The following DAZL variants were observed in gnomAD, a reference collection of about 807,000 sequenced individuals.
DAZL encodes the protein deleted in azoospermia like, also known as deleted in azoospermia-like.
Under a neutral mutation model 45.0 loss-of-function variants are expected in DAZL, and 4 were observed. The ratio of observed to expected loss-of-function variants is 0.09; its 90% CI spans 0.04 to 0.20. DAZL has a LOEUF of 0.20. DAZL is among the 10% of genes least tolerant of loss of function. The pLI is 1.00. For missense variants in DAZL, 326 were observed against 351.3 expected (o/e 0.93, Z 0.58); for synonymous variants, 122 against 112.4 (o/e 1.09, Z -0.54).
At chr3:16,598,713 C>T (rs1333122612) in intron 1 of DAZL, 115 bp from the exon 2 acceptor site, 4 of 1,170,244 alleles carry the variant, frequency 3.4e-6, no homozygotes, top group Non-Finnish European at 4.4e-6. Flanking sequence ...TACTTTCATT[C>T]TAAGTTAGTT....
intron 1 of DAZL, chr3:16,604,866 C>T: frequency 2.8e-6 from 2 of 710,650 alleles, no homozygotes; most frequent in East Asian, 2.9e-5. Context: ...GGGTGGGGAA[C>T]CCGCACCCCA....
intron 4 of DAZL, 99 bp from the exon 5 acceptor site, chr3:16,597,150 A>T: frequency 7.4e-7 from 1 of 1,348,170 alleles, no homozygotes; most frequent in Non-Finnish European, 1.0e-6. Context: ...CTATTATCAT[A>T]GAAGATCAGT....
chr3:16,603,447 A>G (rs1054878090), intron 1 of DAZL, among the ~76,000 whole-genome samples: 3 of 152,100 alleles, frequency 2.0e-5, no homozygotes, highest in Middle Eastern at 3.4e-3. Flanking sequence ...CACAGGTTCA[A>G]GTGATTCTCC....
Position 16,596,896 on chromosome 3 carries a change from GA to G in DAZL, c.359-8del. 6.2e-7 allele frequency: 1 copy of G among 1,613,542 alleles called. No homozygotes were observed. The highest frequency in any genetic ancestry group is 8.5e-7 in the Non-Finnish European group (1 of 1,179,668). Reference sequence around the variant, plus strand: ...GGCTGCACATGATAAGCACCTTTTTGAAAAGCAAAAAGAAAAGGCCTATTTT... The same window carrying G: ...GGCTGCACATGATAAGCACCTTTTTGAAAGCAAAAAGAAAAGGCCTATTTT... On this transcript the variant is annotated splice_region_variant and splice_polypyrimidine_tract_variant and intron_variant, in intron 5 of 10. Coordinates refer to ENST00000399444, the MANE Select transcript of DAZL (RefSeq NM_001351.4).
chr3:16,602,652 T>A (rs1019363906), intron 1 of DAZL, among the ~76,000 whole-genome samples: 1 of 152,204 alleles, frequency 6.6e-6, no homozygotes, highest in East Asian at 1.9e-4. Flanking sequence ...ATATAGTTTA[T>A]ATTGGAAATG....
At chr3:16,597,925 T>A (rs1471474363) in intron 3 of DAZL, among the ~76,000 whole-genome samples, 162 bp downstream of exon 3, 1 of 152,130 alleles carries the variant, frequency 6.6e-6, no homozygotes, top group Non-Finnish European at 1.5e-5. Context: ...AAACAAACAT[T>A]AGAAAAATGA....
chr3:16,600,379 T>C (rs1268716714), intron 1 of DAZL, among the ~76,000 whole-genome samples: 1 of 152,228 alleles, frequency 6.6e-6, no homozygotes, highest in Non-Finnish European at 1.5e-5. Flanking sequence ...AGTTTATTGC[T>C]TTTCTCTATT....
chr3:16,605,373 G>A lies in DAZL; in HGVS notation c.-168C>T, dbSNP rs948719256. 10 of 819,496 alleles carry A rather than the reference G, an allele frequency of 1.2e-5. No homozygotes were observed. Among genetic ancestry groups the A allele is most frequent in the Non-Finnish European group, 2.1e-5 (10 of 484,330 alleles). 50.8% of individuals were successfully genotyped at this position (819,496 alleles called of 1,614,324 possible). On this transcript the variant is annotated 5_prime_UTR_variant, in exon 1 of 11. Coordinates refer to ENST00000399444, the MANE Select transcript of DAZL (RefSeq NM_001351.4). ...AGGAAAACCAAGAGCGGGTGACAAG[G>A]CTGAGGAGCCCCGAAAGGCGGACCG... is the stretch of plus-strand genomic sequence containing the variant.
At chr3:16,600,251 T>A (rs887500536) in intron 1 of DAZL, among the ~76,000 whole-genome samples, 4 of 152,160 alleles carry the variant, frequency 2.6e-5, no homozygotes, top group African/African-American at 4.8e-5. Context: ...AGCACAGTAA[T>A]TTTATAGGAA....
intron 10 of DAZL, among the ~76,000 whole-genome samples, chr3:16,590,737 T>A (rs755341990): frequency 2.0e-5 from 3 of 152,188 alleles, no homozygotes; most frequent in African/African-American, 7.2e-5. Context: ...GAAAATATTA[T>A]GCTGACTGAA....
chr3:16,593,588 C>CA, intron 9 of DAZL, 67 bp downstream of exon 9: 2 of 1,065,038 alleles, frequency 1.9e-6, no homozygotes, highest in Non-Finnish European at 2.8e-6. Flanking sequence ...GATTGCTTCT[C>CA]AAAAAACCAT....
intron 6 of DAZL, 83 bp from the exon 7 acceptor site, chr3:16,595,468 A>G (rs190444557): frequency 2.4e-5 from 19 of 806,336 alleles, no homozygotes; most frequent in Non-Finnish European, 3.8e-5. Context: ...TAACAAAAAT[A>G]TGAAAACTTT....
intron 1 of DAZL, chr3:16,604,506 C>T (rs2125050064): frequency 6.6e-7 from 1 of 1,518,844 alleles, no homozygotes; most frequent in Non-Finnish European, 8.8e-7. Flanking sequence ...CCGCCATCAG[C>T]AAGTCCCCCG....
At chr3:16,604,396 A>G (rs903356500) in intron 1 of DAZL, 1 of 1,483,968 alleles carries the variant, frequency 6.7e-7, no homozygotes, top group Middle Eastern at 1.7e-4. Context: ...CGTACCCAGA[A>G]TTTAAAAATT....
rs758205492 is a variant in DAZL at position 16,604,488 on chromosome 3, C to A, written c.3+715G>T. On this transcript the variant is annotated intron_variant, in intron 1 of 10. Transcript: ENST00000399444. ...GGCGAGCTTTTCTGTCGCCGCCACA[C>A]GAGGGAGCCGCCATCAGCAAGTCCC... The A allele has an allele frequency of 2.6e-6, 4 of 1,523,520 alleles. No homozygotes were observed. The South Asian group carries it at 3.6e-5, about 14-fold the overall frequency. The allele number at this position is 1,523,520 out of a possible 1,614,324, so 94.4% of individuals were successfully genotyped here. A position where few individuals can be genotyped will look rare whatever the true frequency, so the allele number is the denominator to read the frequency against.
Position 16,593,740 on chromosome 3 carries a change from T to C in DAZL, c.650A>G (p.Asn217Ser). ...PAYSAVNYHC[N>S]EVDPGAEVVP... ...AACTTCAGCTCCTGGATCAACTTCA[T>C]TACAGTGGTAGTTAACAGCTGAATA... Residue 217 changes from asparagine to serine, a missense_variant, in exon 9 of 11, where the codon AAT (asparagine) becomes AGT (serine). Physicochemically the swap from Asn to Ser is conservative, Grantham distance 46. Around this residue, in one of 3 missense-constraint regions of DAZL, gnomAD observed 227 missense variants for 216.6 expected, o/e 1.05. Coordinates refer to ENST00000399444, the MANE Select transcript of DAZL (RefSeq NM_001351.4). The C allele has an allele frequency of 1.9e-6, 3 of 1,611,990 alleles. No homozygotes were observed. The highest frequency in any genetic ancestry group is 2.5e-6 in the Non-Finnish European group (3 of 1,178,452).
chr3:16,605,099 A>G lies in DAZL; in HGVS notation c.3+104T>C, dbSNP rs533242538. On this transcript the variant is annotated intron_variant, in intron 1 of 10. Coordinates refer to ENST00000399444, the MANE Select transcript of DAZL (RefSeq NM_001351.4). ...GCGTCCAGGCAGGTGCCCCCCAAAC[A>G]GGAAAGCCGAGGATGACTTCACTTT... 187 of 1,460,710 alleles carry G rather than the reference A, an allele frequency of 1.3e-4. No homozygotes were observed. In the East Asian group the frequency reaches 4.0e-3, roughly 31 times the overall value. 90.5% of individuals were successfully genotyped at this position (1,460,710 alleles called of 1,614,324 possible). A position where few individuals can be genotyped will look rare whatever the true frequency, so the allele number is the denominator to read the frequency against.
intron 10 of DAZL, among the ~76,000 whole-genome samples, chr3:16,590,910 G>A (rs1336218790): frequency 6.6e-6 from 1 of 151,874 alleles, no homozygotes; most frequent in East Asian, 1.9e-4. Flanking sequence ...GATTTTTGGG[G>A]TGATTTAAGT....
At position 16,597,759 on chromosome 3, in the gene DAZL, T is replaced by G. The variant is rs554202822; in HGVS notation, c.243-218A>C. Among the ~76,000 whole-genome samples the G allele has an allele frequency of 2.0e-5, 3 of 152,314 alleles. No homozygotes were observed. In the South Asian group the frequency reaches 6.2e-4, roughly 32 times the overall value. The stretch of plus-strand genomic sequence containing the variant: ...GATTAGGGTAGTGTGAAAACTTCAT[T>G]GATTAACAAAGAATTCATATCCATG... On this transcript the variant is annotated intron_variant, in intron 3 of 10. Transcript: ENST00000399444.
Sources: gnomAD v4.1 joint callset for allele counts (sites outside exome capture counted in the v4.1 genomes callset) on GRCh38, gnomAD v4.1.1 for gene constraint, gnomAD v4.1.1 regional missense constraint, MANE v1.5 for transcripts, NCBI Gene and HGNC (gene_info 2026-07-23, HGNC 2026-07-21) for gene names.